CFAP299: variants seen among roughly 807,000 people sequenced by gnomAD.
CFAP299 encodes the protein cilia and flagella associated protein 299.
CFAP299 carries 21 observed loss-of-function variants against 27.0 expected under a neutral mutation model. The ratio of observed to expected loss-of-function variants is 0.78; its 90% CI spans 0.55 to 1.12. The LOEUF is 1.12. CFAP299 is among the 50% of genes most tolerant of loss of function. The probability of loss-of-function intolerance (pLI) is 0.00; values close to 1 mark genes in which losing one functional copy is unlikely to be tolerated. For missense variants in CFAP299, 310 were observed against 276.6 expected, an observed-to-expected ratio of 1.12 and a Z score of -0.86; for synonymous variants, 104 against 98.1, an observed-to-expected ratio of 1.06 and a Z score of -0.36.
chr4:80,813,136 G>A (rs1226145284), intron 3 of CFAP299, among the ~76,000 whole-genome samples: 3 of 152,032 alleles, frequency 2.0e-5, no homozygotes, highest in Non-Finnish European at 4.4e-5. Flanking sequence ...CATATAAAAT[G>A]CTTTTTCTGC....
At chr4:80,746,119 A>T (rs1724572275) in intron 3 of CFAP299, among the ~76,000 whole-genome samples, 1 of 151,908 alleles carries the variant, frequency 6.6e-6, no homozygotes, top group East Asian at 1.9e-4. Context: ...GGCAAAAGAG[A>T]CCTATATTTG....
At chr4:80,507,632 GT>G (rs929595206) in intron 2 of CFAP299, among the ~76,000 whole-genome samples, 5 of 152,122 alleles carry the variant, frequency 3.3e-5, no homozygotes, top group African/African-American at 4.8e-5. Context: ...ACAGCTCCCT[GT>G]TTTCACAGCT....
chr4:80,626,327 A>T (rs1286683823), intron 3 of CFAP299, among the ~76,000 whole-genome samples: 1 of 151,944 alleles, frequency 6.6e-6, no homozygotes, highest in East Asian at 1.9e-4. Context: ...AAAATTTCTT[A>T]AGACAAATGA....
intron 2 of CFAP299, among the ~76,000 whole-genome samples, chr4:80,399,804 C>T (rs1726039796): frequency 1.3e-5 from 2 of 152,006 alleles, no homozygotes; most frequent in East Asian, 1.9e-4. Flanking sequence ...CAAACCTGCA[C>T]GTTGTGCACG....
chr4:80,914,282 A>C (rs753365731), intron 4 of CFAP299, among the ~76,000 whole-genome samples: 6 of 152,200 alleles, frequency 3.9e-5, no homozygotes, highest in Admixed American at 3.3e-4. Context: ...AACACTTTTC[A>C]TTCTTACTAG....
intron 3 of CFAP299, among the ~76,000 whole-genome samples, chr4:80,684,279 G>T (rs942031450): frequency 7.3e-5 from 11 of 151,428 alleles, no homozygotes; most frequent in Admixed American, 2.6e-4. Flanking sequence ...TTTTTTGGGG[G>T]GGGGGGACGG....
chr4:80,496,076 G>A (rs180816158), intron 2 of CFAP299, among the ~76,000 whole-genome samples: 1 of 152,302 alleles, frequency 6.6e-6, no homozygotes, highest in Non-Finnish European at 1.5e-5. Flanking sequence ...TTGCCTATTA[G>A]CAGTTGCCTT....
intron 4 of CFAP299, among the ~76,000 whole-genome samples, chr4:80,938,202 G>GC (rs1285182285): frequency 6.6e-6 from 1 of 152,090 alleles, no homozygotes; most frequent in African/African-American, 2.4e-5. Context: ...TTGGGAACAG[G>GC]CCCCCCAAAA....
At chr4:80,541,792 A>G (rs982686248) in intron 2 of CFAP299, among the ~76,000 whole-genome samples, 1 of 152,188 alleles carries the variant, frequency 6.6e-6, no homozygotes, top group South Asian at 2.1e-4. Context: ...TATAAGTGCT[A>G]TAAAGAAAAA....
chr4:80,881,877 G>A (rs188868716), intron 4 of CFAP299, among the ~76,000 whole-genome samples: 39 of 152,236 alleles, frequency 2.6e-4, no homozygotes, highest in African/African-American at 8.9e-4. Context: ...TAGATGAAAT[G>A]TATGAGAAAT....
intron 3 of CFAP299, among the ~76,000 whole-genome samples, chr4:80,736,264 T>C (rs1288330557): frequency 6.6e-6 from 1 of 151,972 alleles, no homozygotes; most frequent in Admixed American, 6.6e-5. Context: ...TTGTATAAGG[T>C]GTAAGGAAGG....
Position 80,914,578 on chromosome 4 carries a change from C to A in CFAP299, c.477-30232C>A, listed in dbSNP as rs555744593. ...GAAAACGCCTCCCCATATTGAGAAC[C>A]ACTAATGTAGTGCTACATCATTGTG... On this transcript the variant is annotated intron_variant, in intron 4 of 5. Coordinates refer to ENST00000358105, the MANE Select transcript of CFAP299 (RefSeq NM_152770.3). Among the ~76,000 whole-genome samples, 6 of 152,228 alleles carry A rather than the reference C, an allele frequency of 3.9e-5. No homozygotes were observed. In the East Asian group the frequency reaches 1.2e-3, roughly 29 times the overall value.
In CFAP299 at chr4:80,448,075, A is replaced by C. The variant is rs116010224; in HGVS notation, c.242+85191A>C. Among the ~76,000 whole-genome samples the C allele has an allele frequency of 8.2e-3, 1,243 of 152,334 alleles. 23 individuals are homozygous for C. Among genetic ancestry groups the C allele is most frequent in the African/African-American group, 0.028 (1,177 of 41,560 alleles). ...TGTAGAACAGATCTGTATGTTGTACACTGTCAATGCATTCTCTCTGCTCAG... is the reference window on the plus strand; with the variant it reads ...TGTAGAACAGATCTGTATGTTGTACCCTGTCAATGCATTCTCTCTGCTCAG... On this transcript the variant is annotated intron_variant, in intron 2 of 5. Coordinates refer to ENST00000358105, the MANE Select transcript of CFAP299 (RefSeq NM_152770.3).
At chr4:80,688,418 C>T (rs74964016) in intron 3 of CFAP299, among the ~76,000 whole-genome samples, 2,864 of 152,092 alleles carry the variant, frequency 0.019, 46 homozygotes, top group Non-Finnish European at 0.03. Flanking sequence ...AGGCACCCCC[C>T]AGCAGGGGCA....
At chr4:80,408,768 A>T (rs182950421) in intron 2 of CFAP299, among the ~76,000 whole-genome samples, 15 of 151,502 alleles carry the variant, frequency 9.9e-5, no homozygotes, top group Admixed American at 9.2e-4. Context: ...TAAATGGGAG[A>T]AATGGGCAAG....
At chr4:80,704,684 T>C (rs1721718239) in intron 3 of CFAP299, among the ~76,000 whole-genome samples, 1 of 151,804 alleles carries the variant, frequency 6.6e-6, no homozygotes, top group African/African-American at 2.4e-5. Flanking sequence ...TTTCTTGACA[T>C]TTAATTATAA....
intron 3 of CFAP299, among the ~76,000 whole-genome samples, chr4:80,640,292 G>T (rs2109958092): frequency 6.6e-6 from 1 of 152,200 alleles, no homozygotes; most frequent in Non-Finnish European, 1.5e-5. Flanking sequence ...GCATGTATGT[G>T]GGTGTATCAG....
At chr4:80,714,973 G>T (rs1722394834) in intron 3 of CFAP299, among the ~76,000 whole-genome samples, 1 of 152,034 alleles carries the variant, frequency 6.6e-6, no homozygotes. Flanking sequence ...TAATCAAAGA[G>T]TTTATGTTCA....
intron 5 of CFAP299, among the ~76,000 whole-genome samples, chr4:80,952,706 A>ATT (rs537692480): frequency 6.7e-6 from 1 of 149,484 alleles, no homozygotes. Flanking sequence ...TTGTTTTTGC[A>ATT]TTTTTTTTTT....
Sources: allele counts gnomAD v4.1 joint callset (sites outside exome capture counted in the v4.1 genomes callset), GRCh38; gene constraint gnomAD v4.1.1; transcripts MANE v1.5; gene names NCBI Gene and HGNC (gene_info 2026-07-23, HGNC 2026-07-21).